TGM7: variants seen among roughly 807,000 people sequenced by gnomAD.
The protein encoded by TGM7 is protein-glutamine gamma-glutamyltransferase Z.
TGM7 carries 74 observed loss-of-function variants against 79.5 expected under a neutral mutation model. The ratio of observed to expected loss-of-function variants is 0.93; its 90% CI spans 0.77 to 1.13. TGM7 has a LOEUF of 1.13. Among genes scored for constraint, TGM7 ranks in the 50% most tolerant of loss-of-function variants. TGM7 has a pLI of 0.00. For missense variants in TGM7, 912 were observed against 905.9 expected, an observed-to-expected ratio of 1.01 and a Z score of -0.09; for synonymous variants, 354 against 362.5, an observed-to-expected ratio of 0.98 and a Z score of 0.27.
Position 43,293,485 on chromosome 15 carries a change from A to G in TGM7, c.157T>C (p.Ser53Pro). The change falls in exon 2 of 13, where the codon TCC becomes CCC. Residue 53 changes from serine (S) to proline (P), a missense_variant. Transcript: ENST00000452443. Reference sequence around the variant, plus strand: ...ACAAAGGTGATGTGGTCGTTCTGGGACTGGAAGGGTCGGCTGAAGCTCAGC... The same window carrying G: ...ACAAAGGTGATGTGGTCGTTCTGGGGCTGGAAGGGTCGGCTGAAGCTCAGC... ...LRLSFSRPFQ[S>P]QNDHITFVAE... 6.2e-7 allele frequency: 1 copy of G among 1,610,556 alleles called. No homozygotes were observed. The highest frequency in any genetic ancestry group is 8.5e-7 in the Non-Finnish European group (1 of 1,178,700).
chr15:43,287,573 C>A lies in TGM7; in HGVS notation c.655G>T (p.Val219Leu). 1 of 1,614,122 alleles carries A rather than the reference C, an allele frequency of 6.2e-7. No homozygotes were observed. Among genetic ancestry groups the A allele is most frequent in the Non-Finnish European group, 8.5e-7 (1 of 1,179,996 alleles). ...CTCACCACCCTGCACACATACACCA[C>A]GTCGTTCCGCTGGGAACAGTCTTTG... is the stretch of plus-strand genomic sequence containing the variant. ...PAKDCSQRND[V>L]VYVCRVVSAM... The change falls in exon 5 of 13, where the codon GTG (valine) becomes TTG (leucine). Residue 219 changes from valine (V) to leucine (L), a missense_variant. Val to Leu is a conservative substitution (Grantham distance 32). Transcript: ENST00000452443.
chr15:43,279,690 T>A lies in TGM7; in HGVS notation c.1613A>T (p.His538Leu), dbSNP rs1357624680. The A allele has an allele frequency of 6.2e-7, 1 of 1,613,580 alleles. No homozygotes were observed. Among genetic ancestry groups the A allele is most frequent in the Non-Finnish European group, 8.5e-7 (1 of 1,179,790 alleles). Residue 538 changes from histidine (H) to leucine (L), a missense_variant, in exon 10 of 13, where the codon CAT (histidine) becomes CTT (leucine). Transcript: ENST00000452443. ...VVRFCAQALL[H>L]GGGTQKPFWR... is the part of the protein sequence containing the mutation. ...GAAGGGCTTCTGGGTACCACCCCCATGCAGCAGGGCCTGTGCACAGAAGCG... is the reference window on the plus strand; with the variant it reads ...GAAGGGCTTCTGGGTACCACCCCCAAGCAGCAGGGCCTGTGCACAGAAGCG...
chr15:43,284,142 T>C (rs1391933637), intron 7 of TGM7, among the ~76,000 whole-genome samples: 1 of 152,130 alleles, frequency 6.6e-6, no homozygotes, highest in Non-Finnish European at 1.5e-5. Flanking sequence ...GAGATTGCAG[T>C]GAGCTGAGTT....
At chr15:43,277,997 T>C (rs964206599) in intron 11 of TGM7, among the ~76,000 whole-genome samples, 7 of 152,266 alleles carry the variant, frequency 4.6e-5, no homozygotes, top group Non-Finnish European at 8.8e-5. Flanking sequence ...GGCAGGGCCC[T>C]GGCCACAGCC....
chr15:43,283,441 A>G (rs896680175), intron 7 of TGM7, among the ~76,000 whole-genome samples: 3 of 151,592 alleles, frequency 2.0e-5, no homozygotes, highest in African/African-American at 4.9e-5. Flanking sequence ...TCTTTGTTAC[A>G]TTGGGATTTG....
In TGM7 at chr15:43,293,583, T is replaced by G. The variant is rs778985284; in HGVS notation, c.59A>C (p.Asn20Thr). ...ESVDLQSSRN[N>T]KEHHTQEMGV... ...CATCTCCTGCGTGTGGTGCTCCTTGTTGTTCCTGGAGCTCTGCAGGTCGAC... is the reference window on the plus strand; with the variant it reads ...CATCTCCTGCGTGTGGTGCTCCTTGGTGTTCCTGGAGCTCTGCAGGTCGAC... The change falls in exon 2 of 13, where the codon AAC becomes ACC. Residue 20 changes from asparagine (N) to threonine (T), a missense_variant. Asn to Thr is a moderately conservative substitution (Grantham distance 65). Transcript: ENST00000452443. 4 of 1,610,360 alleles carry G rather than the reference T, an allele frequency of 2.5e-6. No individual in the cohort carries two copies. Among genetic ancestry groups the G allele is most frequent in the Admixed American group, 3.3e-5 (2 of 59,836 alleles).
intron 4 of TGM7, among the ~76,000 whole-genome samples, chr15:43,288,748 G>A (rs2042949674): frequency 6.6e-6 from 1 of 152,064 alleles, no homozygotes; most frequent in Non-Finnish European, 1.5e-5. Flanking sequence ...TGGCCAACAC[G>A]GTGAAACCCC....
chr15:43,277,052 G>A (rs968281425), intron 11 of TGM7, 57 bp from the exon 12 acceptor site: 28 of 1,589,098 alleles, frequency 1.8e-5, no homozygotes, highest in African/African-American at 6.7e-5. Context: ...CTGCACTCTG[G>A]TTCAGTTACC....
chr15:43,291,621 TTTGGTCTG>T, intron 4 of TGM7, among the ~76,000 whole-genome samples: 1 of 152,304 alleles, frequency 6.6e-6, no homozygotes, highest in South Asian at 2.1e-4. Flanking sequence ...GTAGGCCACA[TTTGGTCTG>T]TGGGCTGTAG....
At chr15:43,276,826 A>G (rs1427998445) in intron 12 of TGM7, 36 bp downstream of exon 12, 1 of 1,607,406 alleles carries the variant, frequency 6.2e-7, no homozygotes, top group African/African-American at 1.3e-5. Context: ...CTTTCCTGAG[A>G]CCAGCAAGGG....
intron 6 of TGM7, among the ~76,000 whole-genome samples, chr15:43,285,378 A>C (rs1047466175): frequency 7.9e-5 from 12 of 151,608 alleles, no homozygotes; most frequent in African/African-American, 2.7e-4. Context: ...CTAAAAATAC[A>C]AAAAAAAATT....
At chr15:43,282,434 TC>T (rs971351301) in intron 8 of TGM7, 82 bp downstream of exon 8, 2 of 1,242,022 alleles carry the variant, frequency 1.6e-6, no homozygotes, top group East Asian at 2.6e-5. Context: ...ACGCTGCTCC[TC>T]CCTGGTCTCC....
intron 6 of TGM7, among the ~76,000 whole-genome samples, chr15:43,285,412 T>C (rs1481065246): frequency 6.6e-6 from 1 of 152,330 alleles, no homozygotes; most frequent in East Asian, 1.9e-4. Flanking sequence ...GGTGCATGCC[T>C]GCAGTTCCAG....
Position 43,282,599 on chromosome 15 carries a change from C to T in TGM7, c.1026G>A (p.Glu342=), listed in dbSNP as rs1452695583. The T allele has an allele frequency of 6.3e-7, 1 of 1,599,132 alleles. No homozygotes were observed. Among genetic ancestry groups the T allele is most frequent in the Admixed American group, 1.7e-5 (1 of 57,790 alleles). Residue 342 remains glutamate, a synonymous_variant, in exon 8 of 13, where the codon GAG becomes GAA. Coordinates refer to ENST00000452443, the MANE Select transcript of TGM7 (RefSeq NM_052955.3). ...DKIWNFHVWN[E]CWMIRKDLPP... ...GGAGATCTTTCCGGATCATCCAGCA[C>T]TCATTCCAGACGTGGAAGTTCCTGC...
At chr15:43,284,447 C>G (rs2042924934) in intron 7 of TGM7, among the ~76,000 whole-genome samples, 1 of 152,124 alleles carries the variant, frequency 6.6e-6, no homozygotes, top group African/African-American at 2.4e-5. Context: ...AAGAGGTCTA[C>G]AGAAGCAGCC....
chr15:43,292,884 G>C lies in TGM7; in HGVS notation c.264C>G (p.Val88=), dbSNP rs1196021270. The C allele has an allele frequency of 6.2e-7, 1 of 1,613,858 alleles. No individual in the cohort carries two copies. The highest frequency in any genetic ancestry group is 8.5e-7 in the Non-Finnish European group (1 of 1,180,012). Residue 88 remains valine (V), a synonymous_variant, in exon 3 of 13, where the codon GTC becomes GTG. Transcript: ENST00000452443. ...CAATGGTGAAATCAGAAGCGCTCCA[G>C]ACATTCCCGGGCTGGACCCGGGTGA... ...FFLTRVQPGN[V]WSASDFTIDS...
intron 1 of TGM7, among the ~76,000 whole-genome samples, chr15:43,294,657 C>T (rs1449459493): frequency 6.6e-6 from 1 of 152,156 alleles, no homozygotes; most frequent in Non-Finnish European, 1.5e-5. Context: ...TTACTGTCGA[C>T]AAAAGTTCAT....
At position 43,276,649 on chromosome 15, in the gene TGM7, G is replaced by T. The variant is rs376145891; in HGVS notation, c.1974-35C>A. 2.6e-5 allele frequency: 41 copies of T among 1,597,502 alleles called. No individual in the cohort carries two copies. In the African/African-American group the frequency reaches 4.4e-4, roughly 17 times the overall value. On this transcript the variant is annotated intron_variant, in intron 12 of 12. Transcript: ENST00000452443. ...AGAAACAGCCTGTGAGAGCCTCGAG[G>T]ACTTCCTGCTGGCGGCAGGGGTGAT...
chr15:43,296,959 G>T (rs1220984988), intron 1 of TGM7, among the ~76,000 whole-genome samples: 1 of 152,166 alleles, frequency 6.6e-6, no homozygotes, highest in Non-Finnish European at 1.5e-5. Context: ...CAACAAAGCA[G>T]AAAATCAAGC....
Sources: gnomAD v4.1 joint callset for allele counts (sites outside exome capture counted in the v4.1 genomes callset) on GRCh38, gnomAD v4.1.1 for gene constraint, MANE v1.5 for transcripts, NCBI Gene and HGNC (gene_info 2026-07-23, HGNC 2026-07-21) for gene names.